The following CASP9 variants were observed in gnomAD, a reference collection of about 807,000 sequenced individuals.
CASP9 encodes caspase 9, also known as caspase-9.
CASP9 carries 29 observed loss-of-function variants against 43.5 expected under a neutral mutation model. The observed-to-expected ratio is 0.67, with a 90% CI of 0.50 to 0.91. The LOEUF is 0.91. CASP9 is among the 40% of genes least tolerant of loss of function. The pLI is 0.00. For missense variants in CASP9, 575 were observed against 537.4 expected (o/e 1.07, Z -0.69); for synonymous variants, 206 against 211.9 (o/e 0.97, Z 0.24).
intron 7 of CASP9, among the ~76,000 whole-genome samples, chr1:15,494,720 A>G (rs1277012336): frequency 2.6e-5 from 4 of 150,990 alleles, no homozygotes; most frequent in African/African-American, 9.8e-5. Context: ...AAAATTAGCC[A>G]GGCGTGGTGG....
intron 4 of CASP9, 38 bp downstream of exon 4, chr1:15,506,861 C>T (rs760491709): frequency 1.5e-5 from 22 of 1,510,188 alleles, no homozygotes; most frequent in African/African-American, 6.9e-5. Flanking sequence ...CCACCCACTG[C>T]CCCCCACCCT....
At chr1:15,494,187 C>T (rs1709009018) in intron 7 of CASP9, among the ~76,000 whole-genome samples, 186 bp from the exon 8 acceptor site, 1 of 152,180 alleles carries the variant, frequency 6.6e-6, no homozygotes, top group Non-Finnish European at 1.5e-5. Flanking sequence ...TCATGACCAT[C>T]CCCTGATTCC....
upstream of CASP9, chr1:15,524,403 C>T (rs1264942956): frequency 1.3e-5 from 17 of 1,358,554 alleles, no homozygotes; most frequent in African/African-American, 2.2e-4. Context: ...ACCGCCCCGC[C>T]CTCAGGACGC....
intron 2 of CASP9, among the ~76,000 whole-genome samples, chr1:15,512,068 G>C (rs1340771865): frequency 6.6e-6 from 1 of 152,176 alleles, no homozygotes; most frequent in African/African-American, 2.4e-5. Flanking sequence ...TGCCAGAGGG[G>C]AATTGGGGGC....
At chr1:15,500,171 AAG>A (rs1480651470) in intron 6 of CASP9, among the ~76,000 whole-genome samples, 1 of 152,186 alleles carries the variant, frequency 6.6e-6, no homozygotes, top group Non-Finnish European at 1.5e-5. Context: ...CAGAAAAAAA[AAG>A]AGAAATTTTT....
At chr1:15,524,626 G>A (rs1484061543), upstream of CASP9, 9 of 1,019,476 alleles carry the variant, frequency 8.8e-6, no homozygotes, top group South Asian at 1.1e-4. Context: ...CCGCCCGCAG[G>A]ACGCATCTCC....
chr1:15,497,847 T>C (rs1359646745), intron 6 of CASP9, among the ~76,000 whole-genome samples: 1 of 151,852 alleles, frequency 6.6e-6, no homozygotes, highest in African/African-American at 2.4e-5. Flanking sequence ...GACAAAACAA[T>C]CTGGAAAAAG....
chr1:15,504,507 TG>T, intron 6 of CASP9, 103 bp downstream of exon 6: 1 of 1,224,562 alleles, frequency 8.2e-7, no homozygotes, highest in Non-Finnish European at 1.1e-6. Context: ...TCTGACTGCC[TG>T]GAGAGACCTC....
chr1:15,524,697 C>G, upstream of CASP9: 1 of 1,052,332 alleles, frequency 9.5e-7, no homozygotes, highest in South Asian at 2.7e-5. Context: ...CAGGACGCCT[C>G]CGCGCCTCGC....
chr1:15,524,450 C>T (rs1393283048), upstream of CASP9: 2 of 1,084,896 alleles, frequency 1.8e-6, no homozygotes, highest in African/African-American at 2.3e-5. Context: ...GGCCAAGCCT[C>T]CCATCACCGC....
At chr1:15,512,232 G>GT (rs1410437928) in intron 2 of CASP9, among the ~76,000 whole-genome samples, 2 of 152,180 alleles carry the variant, frequency 1.3e-5, no homozygotes, top group African/African-American at 2.4e-5. Flanking sequence ...TGATGGTTGA[G>GT]TTCACAGGTC....
chr1:15,521,925 T>C (rs1239293716), intron 1 of CASP9, among the ~76,000 whole-genome samples: 2 of 152,220 alleles, frequency 1.3e-5, no homozygotes, highest in Admixed American at 6.5e-5. Context: ...TTTAACGACA[T>C]GTGGCTAATG....
intron 3 of CASP9, 159 bp downstream of exon 3, chr1:15,507,714 G>A (rs1033130456): frequency 1.5e-6 from 1 of 675,152 alleles, no homozygotes; most frequent in Non-Finnish European, 2.6e-6. Flanking sequence ...GCCCCAGCAG[G>A]CGCTGGGCCG....
intron 6 of CASP9, among the ~76,000 whole-genome samples, chr1:15,503,974 G>A (rs1709422677): frequency 6.6e-6 from 1 of 152,080 alleles, no homozygotes. Context: ...TAAAATTAGA[G>A]CATACAGCAA....
chr1:15,500,014 G>A (rs952312769), intron 6 of CASP9, among the ~76,000 whole-genome samples: 5 of 152,162 alleles, frequency 3.3e-5, no homozygotes, highest in Non-Finnish European at 7.3e-5. Flanking sequence ...AGACACTGAC[G>A]GAGGTCTTCC....
rs1399201437 is a variant in CASP9 at position 15,524,194 on chromosome 1, C to T, written c.7G>A (p.Glu3Lys). Residue 3 changes from glutamate (E) to lysine (K), a missense_variant, in exon 1 of 9, where the codon GAA becomes AAA. Glu to Lys is a moderately conservative substitution (Grantham distance 56). Transcript: ENST00000333868. MD[E>K]ADRRLLRRCR... The stretch of plus-strand genomic sequence containing the variant: ...CGCCGCAGGAGCCGCCGATCCGCTT[C>T]GTCCATGGCGAGTAGCCAACTAAGA... The T allele has an allele frequency of 6.5e-7, 1 of 1,545,042 alleles. No individual in the cohort carries two copies. Among genetic ancestry groups the T allele is most frequent in the Admixed American group, 1.9e-5 (1 of 51,746 alleles).
chr1:15,513,156 G>A (rs1347367339), intron 2 of CASP9, among the ~76,000 whole-genome samples: 10 of 132,000 alleles, frequency 7.6e-5, no homozygotes, highest in South Asian at 2.6e-4. Context: ...ACAAGACTCC[G>A]TCTCAAAAAA....
At chr1:15,501,630 C>T (rs760353764) in intron 6 of CASP9, among the ~76,000 whole-genome samples, 5 of 152,172 alleles carry the variant, frequency 3.3e-5, no homozygotes, top group East Asian at 1.9e-4. Context: ...ACGCAGCCTG[C>T]GGAGGCAAAG....
chr1:15,500,967 G>A (rs765351557), intron 6 of CASP9, among the ~76,000 whole-genome samples: 5 of 152,210 alleles, frequency 3.3e-5, no homozygotes, highest in Non-Finnish European at 5.9e-5. Flanking sequence ...CAAATCTGAT[G>A]TGAAGGCCTT....
Sources: gnomAD v4.1 joint callset for allele counts (sites outside exome capture counted in the v4.1 genomes callset) on GRCh38, gnomAD v4.1.1 for gene constraint, MANE v1.5 for transcripts, NCBI Gene and HGNC (gene_info 2026-07-23, HGNC 2026-07-21) for gene names.